Variants in FAM184A observed in about 807,000 individuals in gnomAD.
The protein encoded by FAM184A is protein FAM184A.
FAM184A carries 99 observed loss-of-function variants against 143.8 expected under a neutral mutation model. The ratio of observed to expected loss-of-function variants is 0.69; its 90% confidence interval spans 0.58 to 0.81. The LOEUF (loss-of-function observed/expected upper bound fraction) is 0.81. FAM184A is among the 40% of genes least tolerant of loss of function. The pLI, the probability that FAM184A is intolerant of heterozygous loss-of-function variation, is 0.00. For missense variants in FAM184A, 1,217 were observed against 1,310.5 expected, an observed-to-expected ratio of 0.93 and a Z score of 1.10; for synonymous variants, 427 against 446.4, an observed-to-expected ratio of 0.96 and a Z score of 0.55.
In FAM184A at chr6:119,027,317, C is replaced by T. The variant is rs1041483311; in HGVS notation, c.160-2504G>A. Among the ~76,000 whole-genome samples, 5 of 152,348 alleles carry T rather than the reference C, an allele frequency of 3.3e-5. No homozygotes were observed. In the South Asian group the frequency reaches 1.0e-3, roughly 32 times the overall value. On this transcript the variant is annotated intron_variant, in intron 1 of 17. Coordinates refer to ENST00000338891, the MANE Select transcript of FAM184A (RefSeq NM_024581.6). ...TTCTCAAGATTCCCTGAGGCTGTGTCACAGACCATGGTCTTTAAGTTTGGC... is the reference window on the plus strand; with the variant it reads ...TTCTCAAGATTCCCTGAGGCTGTGTTACAGACCATGGTCTTTAAGTTTGGC...
intron 9 of FAM184A, among the ~76,000 whole-genome samples, chr6:118,992,163 C>T (rs1185753200): frequency 1.3e-5 from 2 of 152,066 alleles, no homozygotes; most frequent in Admixed American, 6.6e-5. Context: ...TGAGGACAGA[C>T]AGGAGACAGA....
intron 4 of FAM184A, 84 bp downstream of exon 4, chr6:119,019,894 C>A (rs561689234): frequency 2.4e-5 from 30 of 1,260,396 alleles, no homozygotes; most frequent in Non-Finnish European, 3.2e-5. Flanking sequence ...TGGGGAGTAG[C>A]AAGAAATACT....
chr6:119,091,737 G>A (rs977874333), intron 1 of FAM184A, among the ~76,000 whole-genome samples: 1 of 152,244 alleles, frequency 6.6e-6, no homozygotes, highest in Non-Finnish European at 1.5e-5. Flanking sequence ...GGGAGGATGA[G>A]GGATCGGATG....
At chr6:119,141,825 G>T (rs963562345) in intron 1 of FAM184A, among the ~76,000 whole-genome samples, 1 of 152,178 alleles carries the variant, frequency 6.6e-6, no homozygotes, top group African/African-American at 2.4e-5. Context: ...AGAGCTGCAT[G>T]TTGTGGAAAG....
At chr6:118,960,797 A>C (rs1283309383) in intron 17 of FAM184A, 8 of 1,365,768 alleles carry the variant, frequency 5.9e-6, no homozygotes, top group Non-Finnish European at 7.8e-6. Context: ...CAAGGCACGC[A>C]ACAATGTGTA....
intron 1 of FAM184A, among the ~76,000 whole-genome samples, chr6:119,028,660 C>T (rs944401448): frequency 3.3e-5 from 5 of 152,174 alleles, no homozygotes; most frequent in African/African-American, 1.2e-4. Flanking sequence ...TGCATCTCTT[C>T]CCTCTAACTA....
intron 1 of FAM184A, among the ~76,000 whole-genome samples, chr6:119,125,385 C>G (rs757130805): frequency 1.3e-5 from 2 of 152,148 alleles, no homozygotes. Flanking sequence ...AAGTGATTCT[C>G]CTGCCTCAGC....
In FAM184A at chr6:119,050,807, G is replaced by A. The variant is rs890729525; in HGVS notation, c.160-25994C>T. Among the ~76,000 whole-genome samples, 66 of 145,452 alleles carry A rather than the reference G, an allele frequency of 4.5e-4. 1 individual carries two copies. Among genetic ancestry groups the A allele is most frequent in the Admixed American group, 6.9e-4 (10 of 14,586 alleles). ...GGCCTGGGCGACAGAGCGAGACTCC[G>A]TCTCAAAAAAAAAAAAAAAAGAGAT... On this transcript the variant is annotated intron_variant, in intron 1 of 17. Transcript: ENST00000338891.
At chr6:119,136,410 T>C (rs1789668509) in intron 1 of FAM184A, among the ~76,000 whole-genome samples, 1 of 152,062 alleles carries the variant, frequency 6.6e-6, no homozygotes, top group Non-Finnish European at 1.5e-5. Flanking sequence ...TTTCAATATG[T>C]GTATGTATTT....
Position 118,993,134 on chromosome 6 carries a change from T to C in FAM184A, c.2088+9765A>G, listed in dbSNP as rs1784429897. On this transcript the variant is annotated intron_variant, in intron 9 of 17. Coordinates refer to ENST00000338891, the MANE Select transcript of FAM184A (RefSeq NM_024581.6). ...GTTAACAAAAAGATGGCCTATATAA[T>C]AGTCAATTTGTTTTAAAGCATCTTA... 3.9e-5 allele frequency among the ~76,000 whole-genome samples: 6 copies of C among 152,330 alleles called. 1 individual carries two copies. The South Asian group carries it at 1.2e-3, about 32-fold the overall frequency.
chr6:119,133,273 T>A (rs1789582806), intron 1 of FAM184A, among the ~76,000 whole-genome samples: 1 of 152,178 alleles, frequency 6.6e-6, no homozygotes, highest in Non-Finnish European at 1.5e-5. Context: ...TGAGTTTGAT[T>A]TATTCTGAAT....
intron 9 of FAM184A, among the ~76,000 whole-genome samples, chr6:118,987,532 T>C (rs1448527070): frequency 1.3e-5 from 2 of 152,218 alleles, no homozygotes; most frequent in Non-Finnish European, 2.9e-5. Flanking sequence ...TGAGTGTACA[T>C]AAGTAAAGAG....
intron 1 of FAM184A, among the ~76,000 whole-genome samples, chr6:119,028,317 G>C (rs901464702): frequency 6.6e-6 from 1 of 152,162 alleles, no homozygotes; most frequent in African/African-American, 2.4e-5. Context: ...AATCTCTTGC[G>C]GGATAGGAGC....
chr6:119,118,134 G>A (rs553175682), intron 1 of FAM184A, among the ~76,000 whole-genome samples: 2 of 152,328 alleles, frequency 1.3e-5, no homozygotes, highest in Admixed American at 6.5e-5. Context: ...TTCCATAGAT[G>A]CAGAAGTTTG....
chr6:119,020,440 GT>G (rs1362113272), intron 3 of FAM184A, among the ~76,000 whole-genome samples: 1 of 151,200 alleles, frequency 6.6e-6, no homozygotes, highest in African/African-American at 2.4e-5. Flanking sequence ...TTTTGTTTTT[GT>G]TTTTTTAAGA....
intron 1 of FAM184A, among the ~76,000 whole-genome samples, chr6:119,028,916 G>T (rs1328498419): frequency 5.3e-5 from 8 of 152,158 alleles, no homozygotes; most frequent in African/African-American, 1.2e-4. Context: ...TACTCATTTG[G>T]TGTCCACTAG....
intron 1 of FAM184A, among the ~76,000 whole-genome samples, chr6:119,134,593 G>A (rs1276843946): frequency 6.8e-6 from 1 of 147,714 alleles, no homozygotes; most frequent in African/African-American, 2.5e-5. Context: ...GGTCGAGGCT[G>A]TAGTGAGCCA....
At chr6:119,122,351 A>G (rs1035444073) in intron 1 of FAM184A, among the ~76,000 whole-genome samples, 5 of 152,224 alleles carry the variant, frequency 3.3e-5, no homozygotes, top group African/African-American at 9.6e-5. Flanking sequence ...CTTAAAAAAA[A>G]TACAATTTAT....
chr6:119,117,136 C>G (rs913320724), intron 1 of FAM184A, among the ~76,000 whole-genome samples: 1 of 152,132 alleles, frequency 6.6e-6, no homozygotes, highest in African/African-American at 2.4e-5. Flanking sequence ...AGGACATTAA[C>G]CAAGGCTAGG....
Sources: allele counts gnomAD v4.1 joint callset (sites outside exome capture counted in the v4.1 genomes callset), GRCh38; gene constraint gnomAD v4.1.1; transcripts MANE v1.5; gene names NCBI Gene and HGNC (gene_info 2026-07-23, HGNC 2026-07-21).